The following ZDHHC14 variants were observed in gnomAD, a reference collection of about 807,000 sequenced individuals.
The protein encoded by ZDHHC14 is palmitoyltransferase ZDHHC14.
A neutral mutation model predicts 47.7 loss-of-function variants in ZDHHC14; 16 were observed. That is an observed-to-expected ratio of 0.34 (90% CI 0.23 to 0.51). The LOEUF is 0.51. Ranked by LOEUF, ZDHHC14 falls within the 20% of genes least tolerant of loss-of-function variation. ZDHHC14 has a pLI of 0.97. For synonymous variants in ZDHHC14, 293 were observed against 278.9 expected (o/e 1.05, Z -0.50); for missense variants, 515 against 662.5 (o/e 0.78, Z 2.44).
At position 157,439,100 on chromosome 6, in the gene ZDHHC14, C is replaced by T. The variant is rs367716192; in HGVS notation, c.245+56834C>T. On this transcript the variant is annotated intron_variant, in intron 1 of 8. Transcript: ENST00000359775. ...CTTGGGTTTGGTACAGTTCCCCATC[C>T]AGAGAAACTCTGTCATGTTCCCTGT... Among the ~76,000 whole-genome samples, 41 of 152,294 alleles carry T rather than the reference C, an allele frequency of 2.7e-4. No individual in the cohort carries two copies. In the East Asian group the frequency reaches 2.9e-3, roughly 11 times the overall value.
At chr6:157,630,400 A>T (rs1483415098) in intron 4 of ZDHHC14, 1 of 152,042 alleles carries the variant, frequency 6.6e-6, no homozygotes, top group Non-Finnish European at 1.5e-5. Context: ...CCACGTGCTT[A>T]GTCATATACC....
chr6:157,496,232 C>T (rs1471278133), intron 1 of ZDHHC14, among the ~76,000 whole-genome samples: 2 of 152,044 alleles, frequency 1.3e-5, no homozygotes, highest in African/African-American at 2.4e-5. Context: ...GATGGGAGGT[C>T]GAGTGAAGCA....
intron 2 of ZDHHC14, among the ~76,000 whole-genome samples, chr6:157,567,372 C>T (rs1782942053): frequency 6.6e-6 from 1 of 152,232 alleles, no homozygotes; most frequent in East Asian, 1.9e-4. Context: ...CAGGCAATGT[C>T]CACTTCTTAA....
chr6:157,614,610 G>T (rs567996229), intron 3 of ZDHHC14, among the ~76,000 whole-genome samples: 1 of 152,054 alleles, frequency 6.6e-6, no homozygotes, highest in Non-Finnish European at 1.5e-5. Context: ...CCATGGAATC[G>T]CTAGACATCG....
intron 1 of ZDHHC14, among the ~76,000 whole-genome samples, chr6:157,474,943 G>A (rs1231647308): frequency 6.6e-6 from 1 of 152,054 alleles, no homozygotes; most frequent in Non-Finnish European, 1.5e-5. Flanking sequence ...TGTCTCCTGT[G>A]CTTTTGGGGT....
At chr6:157,591,761 G>C (rs755286155) in intron 2 of ZDHHC14, among the ~76,000 whole-genome samples, 19 of 152,316 alleles carry the variant, frequency 1.2e-4, no homozygotes, top group Admixed American at 1.3e-4. Context: ...TGATGGGACT[G>C]ATTCCTACCA....
chr6:157,402,081 T>C (rs1777652009), intron 1 of ZDHHC14, among the ~76,000 whole-genome samples: 1 of 150,934 alleles, frequency 6.6e-6, no homozygotes, highest in African/African-American at 2.4e-5. Flanking sequence ...CCTGCTGAGG[T>C]CACACTGCAT....
intron 8 of ZDHHC14, among the ~76,000 whole-genome samples, chr6:157,671,298 G>C (rs1778783423): frequency 6.6e-6 from 1 of 152,212 alleles, no homozygotes; most frequent in South Asian, 2.1e-4. Context: ...GTAAGGTCTT[G>C]ATCGAGCTGT....
At chr6:157,422,826 T>G (rs1488045007) in intron 1 of ZDHHC14, among the ~76,000 whole-genome samples, 1 of 152,208 alleles carries the variant, frequency 6.6e-6, no homozygotes, top group Non-Finnish European at 1.5e-5. Flanking sequence ...TTCTGTATTT[T>G]ATATACTTCT....
intron 7 of ZDHHC14, among the ~76,000 whole-genome samples, chr6:157,650,997 A>G (rs1008184984): frequency 7.9e-5 from 12 of 151,872 alleles, no homozygotes; most frequent in African/African-American, 2.9e-4. Context: ...TGATGGAGAC[A>G]CCTGCCACTG....
chr6:157,662,021 G>A (rs1010481427), intron 8 of ZDHHC14, among the ~76,000 whole-genome samples: 1 of 151,612 alleles, frequency 6.6e-6, no homozygotes, highest in Non-Finnish European at 1.5e-5. Flanking sequence ...CATAAGCCAG[G>A]ACCCCAAATC....
At chr6:157,550,541 A>G (rs1360998590) in intron 2 of ZDHHC14, among the ~76,000 whole-genome samples, 1 of 152,116 alleles carries the variant, frequency 6.6e-6, no homozygotes, top group Non-Finnish European at 1.5e-5. Flanking sequence ...CAGAGAGACC[A>G]CAGTGTCACA....
At chr6:157,479,029 G>A (rs1461470082) in intron 1 of ZDHHC14, among the ~76,000 whole-genome samples, 1 of 152,146 alleles carries the variant, frequency 6.6e-6, no homozygotes, top group Non-Finnish European at 1.5e-5. Context: ...CAACTGTGTT[G>A]GGCTGGAGAT....
In ZDHHC14 at chr6:157,595,090, T is replaced by C. The variant is rs181898263; in HGVS notation, c.565+1944T>C. 2.4e-3 allele frequency among the ~76,000 whole-genome samples: 370 copies of C among 152,160 alleles called. 3 individuals are homozygous for C. The highest frequency in any genetic ancestry group is 2.1e-3 in the Non-Finnish European group (146 of 68,014). ...GTCTTACTGGGCACTTCCTTCTCTT[T>C]ATCATTTATAAAACTTTTTATTCAT... On this transcript the variant is annotated intron_variant, in intron 3 of 8. Coordinates refer to ENST00000359775, the MANE Select transcript of ZDHHC14 (RefSeq NM_024630.3).
intron 1 of ZDHHC14, among the ~76,000 whole-genome samples, chr6:157,387,437 T>G (rs1777336761): frequency 1.3e-5 from 2 of 152,190 alleles, no homozygotes; most frequent in Admixed American, 1.3e-4. Flanking sequence ...CCCCTGGCCA[T>G]GCAGAACTGC....
chr6:157,646,176 C>T (rs1373070746), intron 6 of ZDHHC14: 4 of 198,472 alleles, frequency 2.0e-5, no homozygotes, highest in East Asian at 1.3e-4. Context: ...GAGACCATGG[C>T]GGGCCAACAT....
intron 2 of ZDHHC14, among the ~76,000 whole-genome samples, chr6:157,558,783 TAAA>T (rs3056793): frequency 2.8e-5 from 4 of 144,160 alleles, no homozygotes. Context: ...ACTTTGGTGG[TAAA>T]AAAAAAAAAG....
intron 2 of ZDHHC14, among the ~76,000 whole-genome samples, chr6:157,558,255 T>G (rs1180388789): frequency 2.6e-5 from 4 of 152,186 alleles, no homozygotes; most frequent in South Asian, 4.1e-4. Context: ...CATGCTGCCA[T>G]TCCCAGAAAT....
chr6:157,494,175 C>G (rs1780000579), intron 1 of ZDHHC14, among the ~76,000 whole-genome samples: 1 of 152,314 alleles, frequency 6.6e-6, no homozygotes, highest in African/African-American at 2.4e-5. Flanking sequence ...CTCTGAGTTC[C>G]CTTTAAAGTC....
Sources: allele counts gnomAD v4.1 joint callset (sites outside exome capture counted in the v4.1 genomes callset), GRCh38; gene constraint gnomAD v4.1.1; transcripts MANE v1.5; gene names NCBI Gene and HGNC (gene_info 2026-07-23, HGNC 2026-07-21).